Variants in CSTF3 observed in about 807,000 individuals in gnomAD.
The protein encoded by CSTF3 is CF-1 77 kDa subunit.
Under a neutral mutation model 105.8 loss-of-function variants are expected in CSTF3, and 29 were observed. That is an observed-to-expected ratio of 0.27 (90% CI 0.20 to 0.37). The LOEUF is 0.37. CSTF3 is among the 10% of genes least tolerant of loss of function. The probability of loss-of-function intolerance (pLI) is 1.00; values close to 1 mark genes in which losing one functional copy is unlikely to be tolerated. For missense variants in CSTF3, 357 were observed against 879.3 expected (o/e 0.41, Z 7.51); for synonymous variants, 252 against 281.9 (o/e 0.89, Z 1.06).
rs140167762 is a variant in CSTF3, at chr11:33,151,807, T to C, written c.27+9492A>G. 1.6e-3 allele frequency among the ~76,000 whole-genome samples: 250 copies of C among 152,354 alleles called. 1 individual carries two copies. The highest frequency in any genetic ancestry group is 5.6e-3 in the African/African-American group (231 of 41,582). On this transcript the variant is annotated intron_variant, in intron 1 of 20. Transcript: ENST00000323959. ...AGACTTTAAAGGGGCTGTACTATTT[T>C]ACATTTCCAGTATAAGGGGTTCTAA...
At chr11:33,094,373 C>T (rs564684688) in intron 15 of CSTF3, among the ~76,000 whole-genome samples, 70 of 152,250 alleles carry the variant, frequency 4.6e-4, no homozygotes, top group African/African-American at 1.7e-3. Context: ...ATTATATTTA[C>T]ACATTGGATT....
At chr11:33,141,596 C>T (rs1450403260) in intron 3 of CSTF3, 71 bp downstream of exon 3, 2 of 1,509,404 alleles carry the variant, frequency 1.3e-6, no homozygotes, top group Non-Finnish European at 1.8e-6. Context: ...GGCTATGTTC[C>T]TAACTTGTTT....
At chr11:33,093,214 A>G (rs1855186422) in intron 15 of CSTF3, among the ~76,000 whole-genome samples, 1 of 152,186 alleles carries the variant, frequency 6.6e-6, no homozygotes, top group African/African-American at 2.4e-5. Flanking sequence ...ACCAAAGAAG[A>G]TGGCGCTATT....
intron 1 of CSTF3, among the ~76,000 whole-genome samples, chr11:33,153,709 AG>A (rs1471483405): frequency 1.5e-4 from 17 of 110,750 alleles, no homozygotes; most frequent in Non-Finnish European, 3.6e-4. Context: ...CAGGTAAAAC[AG>A]ACAAAAAAAA....
intron 1 of CSTF3, among the ~76,000 whole-genome samples, chr11:33,148,862 T>TG (rs1020424476): frequency 1.1e-4 from 13 of 119,800 alleles, no homozygotes; most frequent in East Asian, 1.0e-3. Flanking sequence ...GTTGCTGTGT[T>TG]TTTTTTTTTT....
intron 3 of CSTF3, among the ~76,000 whole-genome samples, chr11:33,129,800 TAA>T (rs1855580419): frequency 3.9e-5 from 6 of 152,304 alleles, no homozygotes; most frequent in African/African-American, 1.4e-4. Context: ...TACACTAAAG[TAA>T]AATTCCAAAA....
intron 8 of CSTF3, among the ~76,000 whole-genome samples, chr11:33,103,756 C>T (rs1462820440): frequency 1.3e-5 from 2 of 151,874 alleles, no homozygotes; most frequent in African/African-American, 2.4e-5. Flanking sequence ...GGCGACAGAG[C>T]GAGACTCTGT....
intron 3 of CSTF3, among the ~76,000 whole-genome samples, chr11:33,109,916 CCAGTA>C (rs1855362868): frequency 6.6e-6 from 1 of 152,284 alleles, no homozygotes; most frequent in African/African-American, 2.4e-5. Context: ...AATAGTTTGT[CCAGTA>C]GATTCCCCAG....
At chr11:33,150,219 TAAA>T (rs10714096) in intron 1 of CSTF3, among the ~76,000 whole-genome samples, 8 of 104,368 alleles carry the variant, frequency 7.7e-5, no homozygotes, top group Non-Finnish European at 1.3e-4. Flanking sequence ...TGTCTCAAAC[TAAA>T]AAAAAAAAAA....
intron 3 of CSTF3, among the ~76,000 whole-genome samples, chr11:33,110,990 G>T (rs1204241069): frequency 1.3e-5 from 2 of 152,166 alleles, no homozygotes; most frequent in African/African-American, 4.8e-5. Context: ...CAGCACTTTG[G>T]GAGGCCAAGG....
At chr11:33,149,156 G>GA (rs1855825009) in intron 1 of CSTF3, among the ~76,000 whole-genome samples, 1 of 152,206 alleles carries the variant, frequency 6.6e-6, no homozygotes. Flanking sequence ...AGCGATTAGT[G>GA]AAAGTCTTTT....
chr11:33,132,253 T>A (rs1328649796), intron 3 of CSTF3, among the ~76,000 whole-genome samples: 3 of 152,164 alleles, frequency 2.0e-5, no homozygotes, highest in Non-Finnish European at 1.5e-5. Context: ...ACCTTTTCCA[T>A]ACTACCAAAT....
At chr11:33,086,306 AGT>A (rs758738500) in intron 18 of CSTF3, among the ~76,000 whole-genome samples, 1 of 152,256 alleles carries the variant, frequency 6.6e-6, no homozygotes, top group Non-Finnish European at 1.5e-5. Flanking sequence ...ATTATTCAAC[AGT>A]GTATTTAATC....
At chr11:33,151,142 G>A (rs1855854140) in intron 1 of CSTF3, among the ~76,000 whole-genome samples, 1 of 152,054 alleles carries the variant, frequency 6.6e-6, no homozygotes, top group South Asian at 2.1e-4. Flanking sequence ...TGTCTCTAGG[G>A]ATGTGCCCAT....
At chr11:33,147,498 G>A (rs928634859) in intron 1 of CSTF3, among the ~76,000 whole-genome samples, 2 of 151,958 alleles carry the variant, frequency 1.3e-5, no homozygotes, top group Admixed American at 6.6e-5. Context: ...GGGAGGCTGA[G>A]GCAAGAGAAT....
At chr11:33,127,986 T>C (rs954310681) in intron 3 of CSTF3, among the ~76,000 whole-genome samples, 5 of 152,216 alleles carry the variant, frequency 3.3e-5, no homozygotes, top group Non-Finnish European at 7.3e-5. Flanking sequence ...CATTTTTTCA[T>C]TTAAAAAATT....
chr11:33,143,808 G>A (rs1375498623), intron 1 of CSTF3, among the ~76,000 whole-genome samples: 1 of 151,396 alleles, frequency 6.6e-6, no homozygotes, highest in African/African-American at 2.4e-5. Context: ...GGCTAACATG[G>A]TGAAACCCCA....
chr11:33,103,164 A>G lies in CSTF3; in HGVS notation c.606T>C (p.Ala202=). The part of the protein sequence containing the change: ...KYEEGINIHL[A]KKMIEDRSRD... ...TACTCCGATCTTCAATCATTTTTTT[A>G]GCTAAATGAATATTGATACCCTAGA... The change falls in exon 9 of 21, where the codon GCT becomes GCC. Residue 202 remains alanine, a synonymous_variant. Transcript: ENST00000323959. The G allele has an allele frequency of 6.4e-7, 1 of 1,560,608 alleles. No homozygotes were observed. Among genetic ancestry groups the G allele is most frequent in the Non-Finnish European group, 8.7e-7 (1 of 1,153,042 alleles).
At chr11:33,117,674 T>C (rs1855446027) in intron 3 of CSTF3, among the ~76,000 whole-genome samples, 1 of 151,498 alleles carries the variant, frequency 6.6e-6, no homozygotes, top group African/African-American at 2.4e-5. Context: ...TATATATATA[T>C]ATGAGGATGT....
Sources: allele counts gnomAD v4.1 joint callset (sites outside exome capture counted in the v4.1 genomes callset), GRCh38; gene constraint gnomAD v4.1.1; transcripts MANE v1.5; gene names NCBI Gene and HGNC (gene_info 2026-07-23, HGNC 2026-07-21).